RIMS2: variants seen among roughly 807,000 people sequenced by gnomAD.
RIMS2 encodes the protein regulating synaptic membrane exocytosis protein 2.
A neutral mutation model predicts 174.4 loss-of-function variants in RIMS2; 59 were observed. The observed-to-expected ratio is 0.34, with a 90% CI of 0.27 to 0.42. The LOEUF (loss-of-function observed/expected upper bound fraction) is 0.42. Ranked by LOEUF, RIMS2 falls within the 10% of genes least tolerant of loss-of-function variation. RIMS2 has a pLI of 1.00. For missense variants in RIMS2, 1,620 were observed against 1,666.3 expected (o/e 0.97, Z 0.48); for synonymous variants, 606 against 572.5 (o/e 1.06, Z -0.84).
At chr8:104,059,062 G>T (rs2096927606) in intron 19 of RIMS2, among the ~76,000 whole-genome samples, 1 of 150,900 alleles carries the variant, frequency 6.6e-6, no homozygotes, top group Non-Finnish European at 1.5e-5. Flanking sequence ...GCTCTTTTTT[G>T]GTTCCATATG....
At chr8:103,862,740 G>T (rs1318870423) in intron 3 of RIMS2, among the ~76,000 whole-genome samples, 2 of 151,962 alleles carry the variant, frequency 1.3e-5, no homozygotes, top group Non-Finnish European at 2.9e-5. Context: ...ATTGTAAATG[G>T]GATTGAGTTC....
Position 103,968,023 on chromosome 8 carries a change from G to T in RIMS2, c.2770+6890G>T, listed in dbSNP as rs567335658. ...CTACAGGCACATGCCACCACATCTGGCTAATTTTTGTATTTTTAGTAGAGA... is the reference window on the plus strand; with the variant it reads ...CTACAGGCACATGCCACCACATCTGTCTAATTTTTGTATTTTTAGTAGAGA... On this transcript the variant is annotated intron_variant, in intron 15 of 23. Coordinates refer to ENST00000504942, the Ensembl canonical transcript of RIMS2. Among the ~76,000 whole-genome samples, 5 of 151,822 alleles carry T rather than the reference G, an allele frequency of 3.3e-5. No homozygotes were observed. In the South Asian group the frequency reaches 8.3e-4, roughly 25 times the overall value.
intron 19 of RIMS2, among the ~76,000 whole-genome samples, chr8:104,220,396 A>T (rs2099149717): frequency 6.6e-6 from 1 of 152,134 alleles, no homozygotes; most frequent in South Asian, 2.1e-4. Flanking sequence ...TTGGTTCATG[A>T]AACCAGGTTA....
At chr8:103,788,691 AT>A (rs2098467137) in intron 3 of RIMS2, among the ~76,000 whole-genome samples, 1 of 152,016 alleles carries the variant, frequency 6.6e-6, no homozygotes, top group Non-Finnish European at 1.5e-5. Context: ...AGACAGGGAC[AT>A]TTAAGTCTGC....
chr8:103,730,668 A>T (rs2097580671), intron 2 of RIMS2, among the ~76,000 whole-genome samples: 1 of 152,184 alleles, frequency 6.6e-6, no homozygotes, highest in Non-Finnish European at 1.5e-5. Context: ...TGTAGTTACC[A>T]TTAGCAATGA....
intron 16 of RIMS2, among the ~76,000 whole-genome samples, chr8:103,978,163 C>T (rs1020702064): frequency 2.0e-5 from 3 of 152,140 alleles, no homozygotes; most frequent in African/African-American, 7.2e-5. Flanking sequence ...AAGACAAAGA[C>T]CAAATGTATT....
chr8:103,606,300 G>C (rs1379005501), intron 1 of RIMS2, among the ~76,000 whole-genome samples: 2 of 150,282 alleles, frequency 1.3e-5, no homozygotes, highest in African/African-American at 2.5e-5. Context: ...TTTCCATGTA[G>C]TTGAGCAGTT....
rs1039213398 is a variant in RIMS2 at position 104,102,602 on chromosome 8, A to G, written c.3334+87987A>G. The stretch of plus-strand genomic sequence containing the variant: ...GAGACTGGATAATTTATAAAGAAAA[A>G]GAGGTTTAATTGACTCATAGTTCCA... On this transcript the variant is annotated intron_variant, in intron 19 of 23. Coordinates refer to ENST00000504942, the Ensembl canonical transcript of RIMS2. 3.3e-5 allele frequency among the ~76,000 whole-genome samples: 5 copies of G among 152,314 alleles called. No individual in the cohort carries two copies. The East Asian group carries it at 9.6e-4, about 29-fold the overall frequency.
chr8:104,029,630 C>T (rs1400400345), intron 19 of RIMS2, among the ~76,000 whole-genome samples: 1 of 152,014 alleles, frequency 6.6e-6, no homozygotes, highest in African/African-American at 2.4e-5. Flanking sequence ...TTTTTTCCTC[C>T]ACATTTCAGA....
exon 1 of RIMS2, chr8:103,500,871 T>C (rs945720396): frequency 1.3e-6 from 2 of 1,572,554 alleles, no homozygotes; most frequent in Admixed American, 1.9e-5. Context: ...CCTAGGGTGG[T>C]TCGGCTCCAC....
chr8:103,638,878 C>G (rs1459659892), intron 1 of RIMS2, among the ~76,000 whole-genome samples: 2 of 152,008 alleles, frequency 1.3e-5, no homozygotes, highest in Non-Finnish European at 2.9e-5. Flanking sequence ...ACACACATAT[C>G]TATATTTATT....
intron 19 of RIMS2, among the ~76,000 whole-genome samples, chr8:104,109,948 G>C (rs2098147824): frequency 1.3e-5 from 2 of 152,058 alleles, no homozygotes; most frequent in African/African-American, 4.8e-5. Flanking sequence ...CTATGTGCTA[G>C]ACCCTGTGCC....
chr8:103,727,815 G>GTTTT (rs1232257214), intron 2 of RIMS2, among the ~76,000 whole-genome samples: 1 of 152,096 alleles, frequency 6.6e-6, no homozygotes, highest in Admixed American at 6.6e-5. Context: ...TTTTATGTTA[G>GTTTT]TACTGTGCTG....
chr8:103,876,870 A>T (rs1196642486), intron 3 of RIMS2, among the ~76,000 whole-genome samples: 27 of 19,746 alleles, frequency 1.4e-3, no homozygotes, highest in Middle Eastern at 0.019. Context: ...TATTTTATAT[A>T]TATATATATA....
At chr8:103,888,823 C>G (rs2099223844) in intron 4 of RIMS2, among the ~76,000 whole-genome samples, 1 of 151,406 alleles carries the variant, frequency 6.6e-6, no homozygotes, top group Admixed American at 6.6e-5. Flanking sequence ...AAAACTTGAA[C>G]TTCTAATAGA....
intron 1 of RIMS2, among the ~76,000 whole-genome samples, chr8:103,517,189 A>G (rs1829420147): frequency 6.6e-6 from 1 of 152,168 alleles, no homozygotes; most frequent in Non-Finnish European, 1.5e-5. Context: ...TGAACAGAGG[A>G]AGGGGCTAGT....
intron 19 of RIMS2, among the ~76,000 whole-genome samples, chr8:104,209,116 A>G (rs2099094036): frequency 6.6e-6 from 1 of 152,226 alleles, no homozygotes; most frequent in Non-Finnish European, 1.5e-5. Flanking sequence ...GAACTGATGG[A>G]GAGGAGCAAG....
chr8:103,865,810 A>G (rs2099081899), intron 3 of RIMS2, among the ~76,000 whole-genome samples: 1 of 152,128 alleles, frequency 6.6e-6, no homozygotes, highest in Non-Finnish European at 1.5e-5. Context: ...ATTATTCAGA[A>G]TTTGGATAAT....
intron 19 of RIMS2, among the ~76,000 whole-genome samples, chr8:104,168,635 A>G (rs1401283781): frequency 1.3e-5 from 2 of 152,016 alleles, no homozygotes; most frequent in Non-Finnish European, 2.9e-5. Flanking sequence ...TCCAATTCAA[A>G]TGCCCTTTAT....
Sources: allele counts gnomAD v4.1 joint callset (sites outside exome capture counted in the v4.1 genomes callset), GRCh38; gene constraint gnomAD v4.1.1; transcripts MANE v1.5; gene names NCBI Gene and HGNC (gene_info 2026-07-23, HGNC 2026-07-21).